Variants in MBD5 observed in about 807,000 individuals in gnomAD.
The protein encoded by MBD5 is methyl-CpG binding domain protein 5.
Under a neutral mutation model 117.3 loss-of-function variants are expected in MBD5, and 13 were observed. The observed-to-expected ratio is 0.11, with a 90% CI of 0.07 to 0.18. MBD5 has a LOEUF of 0.18. Among genes scored for constraint, MBD5 ranks in the 10% least tolerant of loss-of-function variants. The pLI is 1.00. For synonymous variants in MBD5, 727 were observed against 766.4 expected, an observed-to-expected ratio of 0.95 and a Z score of 0.85; for missense variants, 1,879 against 2,093.8, an observed-to-expected ratio of 0.90 and a Z score of 2.00.
chr2:148,172,801 C>G (rs11896415), intron 1 of MBD5, among the ~76,000 whole-genome samples: 2 of 152,154 alleles, frequency 1.3e-5, no homozygotes, highest in African/African-American at 4.8e-5. Flanking sequence ...CAGACTCATA[C>G]AGACCGTTGG....
chr2:148,382,059 G>A (rs4574059), intron 4 of MBD5, among the ~76,000 whole-genome samples: 152,248 of 152,248 alleles, frequency 1, 76,124 homozygotes, highest in Non-Finnish European at 1. Context: ...AATAACGAGC[G>A]AAATAACCAG....
intron 3 of MBD5, among the ~76,000 whole-genome samples, chr2:148,254,510 C>T (rs1464509112): frequency 6.6e-6 from 1 of 152,048 alleles, no homozygotes; most frequent in Non-Finnish European, 1.5e-5. Flanking sequence ...CCAGGGGGCT[C>T]ATCACAATCG....
At chr2:148,217,678 A>T (rs1253158740) in intron 2 of MBD5, among the ~76,000 whole-genome samples, 3 of 152,120 alleles carry the variant, frequency 2.0e-5, no homozygotes, top group Non-Finnish European at 4.4e-5. Flanking sequence ...GCTGAGTCCT[A>T]TTCTGTATGA....
intron 3 of MBD5, among the ~76,000 whole-genome samples, chr2:148,240,460 G>A (rs1224947622): frequency 6.6e-6 from 1 of 151,604 alleles, no homozygotes; most frequent in Non-Finnish European, 1.5e-5. Flanking sequence ...ATGTTGCCCA[G>A]GCTGGTCTCG....
At chr2:148,395,958 C>T (rs1312965872) in intron 4 of MBD5, among the ~76,000 whole-genome samples, 1 of 152,142 alleles carries the variant, frequency 6.6e-6, no homozygotes, top group African/African-American at 2.4e-5. Flanking sequence ...CCACCTTACA[C>T]CTTAATGTTA....
At chr2:148,063,067 T>TA (rs1695084261) in intron 1 of MBD5, among the ~76,000 whole-genome samples, 1 of 152,174 alleles carries the variant, frequency 6.6e-6, no homozygotes, top group Admixed American at 6.5e-5. Flanking sequence ...AGTATTCAAA[T>TA]AAAAACATTG....
chr2:148,122,103 G>C (rs1331456394), intron 1 of MBD5, among the ~76,000 whole-genome samples: 1 of 152,020 alleles, frequency 6.6e-6, no homozygotes, highest in African/African-American at 2.4e-5. Context: ...AGATTTAACT[G>C]ACCTCCGCAT....
chr2:148,232,908 A>G (rs1351875958), intron 2 of MBD5, among the ~76,000 whole-genome samples: 1 of 152,110 alleles, frequency 6.6e-6, no homozygotes, highest in Non-Finnish European at 1.5e-5. Flanking sequence ...TCAAAGAGGG[A>G]AAGAGCCCCA....
intron 4 of MBD5, among the ~76,000 whole-genome samples, chr2:148,445,279 C>G (rs1011760965): frequency 6.6e-6 from 1 of 150,990 alleles, no homozygotes; most frequent in Non-Finnish European, 1.5e-5. Flanking sequence ...AATGCTATCC[C>G]TCCCCGCTCC....
intron 4 of MBD5, among the ~76,000 whole-genome samples, chr2:148,377,455 A>G (rs1704022605): frequency 6.6e-6 from 1 of 152,190 alleles, no homozygotes. Context: ...ACTCAGTATT[A>G]ACCATCACAG....
At chr2:148,404,346 C>T (rs977759245) in intron 4 of MBD5, among the ~76,000 whole-genome samples, 2 of 152,088 alleles carry the variant, frequency 1.3e-5, no homozygotes, top group African/African-American at 4.8e-5. Context: ...CCTATACCTA[C>T]GAGTTTGAAT....
chr2:148,175,313 G>C (rs761529489), intron 1 of MBD5, among the ~76,000 whole-genome samples: 3 of 152,128 alleles, frequency 2.0e-5, no homozygotes, highest in Non-Finnish European at 4.4e-5. Context: ...AATTGAAAAT[G>C]TTTTAAAACC....
rs187838894 is a variant in MBD5, at chr2:148,183,924, C to T, written c.-831+5131C>T. On this transcript the variant is annotated intron_variant, in intron 2 of 13. Coordinates refer to ENST00000642680, the MANE Select transcript of MBD5 (RefSeq NM_001378120.1). ...TTGAAAATCCATGATATTCCCTAAT[C>T]ACATTGTAAAAAAATTTTTTTAATT... Among the ~76,000 whole-genome samples, 368 of 151,900 alleles carry T rather than the reference C, an allele frequency of 2.4e-3. 1 individual carries two copies. The highest frequency in any genetic ancestry group is 8.5e-3 in the African/African-American group (353 of 41,420).
At chr2:148,096,520 A>T (rs1038325181) in intron 1 of MBD5, among the ~76,000 whole-genome samples, 4 of 152,306 alleles carry the variant, frequency 2.6e-5, no homozygotes, top group African/African-American at 9.6e-5. Context: ...AGGCCATACA[A>T]CTACTGAGTG....
At chr2:148,242,575 A>C (rs1030019648) in intron 3 of MBD5, among the ~76,000 whole-genome samples, 3 of 152,148 alleles carry the variant, frequency 2.0e-5, no homozygotes, top group Admixed American at 6.6e-5. Flanking sequence ...TTTTCTATCA[A>C]AGAAGAATGA....
chr2:148,069,909 A>G (rs1426419384), intron 1 of MBD5, among the ~76,000 whole-genome samples: 4 of 152,194 alleles, frequency 2.6e-5, no homozygotes, highest in African/African-American at 9.7e-5. Context: ...CAGTTTAGCC[A>G]TCATCTTGAG....
chr2:148,462,500 T>A (rs532171876), intron 5 of MBD5, 82 bp from the exon 6 acceptor site: 8 of 898,658 alleles, frequency 8.9e-6, no homozygotes, highest in Non-Finnish European at 1.5e-5. Context: ...TAAAGGACAG[T>A]AAGACTATAA....
chr2:148,280,131 CAAAAAAAA>C (rs3076398), intron 3 of MBD5, among the ~76,000 whole-genome samples: 2 of 91,892 alleles, frequency 2.2e-5, no homozygotes, highest in East Asian at 6.8e-4. Flanking sequence ...AAACTAACTG[CAAAAAAAA>C]AAAAAAAAAA....
intron 1 of MBD5, among the ~76,000 whole-genome samples, chr2:148,157,938 G>A (rs1697913725): frequency 6.6e-6 from 1 of 152,194 alleles, no homozygotes; most frequent in South Asian, 2.1e-4. Flanking sequence ...AAATGTTTTA[G>A]AACTAGATAG....
Sources: allele counts gnomAD v4.1 joint callset (sites outside exome capture counted in the v4.1 genomes callset), GRCh38; gene constraint gnomAD v4.1.1; transcripts MANE v1.5; gene names NCBI Gene and HGNC (gene_info 2026-07-23, HGNC 2026-07-21).